Variants in TGFBR2 observed in about 807,000 individuals in gnomAD.
The protein encoded by TGFBR2 is transforming growth factor beta receptor 2.
Under a neutral mutation model 49.0 loss-of-function variants are expected in TGFBR2, and 18 were observed. That is an observed-to-expected ratio of 0.37 (90% confidence interval 0.25 to 0.54). The LOEUF (loss-of-function observed/expected upper bound fraction) is 0.54. TGFBR2 is among the 20% of genes least tolerant of loss of function. The pLI, the probability that TGFBR2 is intolerant of heterozygous loss-of-function variation, is 0.85. For missense variants in TGFBR2, 525 were observed against 722.6 expected, an observed-to-expected ratio of 0.73 and a Z score of 3.13; for synonymous variants, 282 against 275.9, an observed-to-expected ratio of 1.02 and a Z score of -0.22.
In TGFBR2 at chr3:30,691,441, A is replaced by T. The variant is rs370708687; in HGVS notation, c.1546A>T (p.Thr516Ser). 15 of 1,613,816 alleles carry T rather than the reference A, an allele frequency of 9.3e-6. No individual in the cohort carries two copies. Among genetic ancestry groups the T allele is most frequent in the Non-Finnish European group, 1.3e-5 (15 of 1,179,916 alleles). The change falls in exon 7 of 7, where the codon ACG becomes TCG. Residue 516 changes from threonine (T) to serine (S), a missense_variant. Around this residue, in one of 3 missense-constraint regions of TGFBR2, gnomAD observed 104 missense variants for 133.4 expected, o/e 0.78. Transcript: ENST00000295754. ...ACAGGGCATCCAGATGGTGTGTGAG[A>T]CGTTGACTGAGTGCTGGGACCACGA... is the stretch of plus-strand genomic sequence containing the variant. ...NHQGIQMVCETLTECWDHDPE... is the reference protein window; with the variant it reads ...NHQGIQMVCESLTECWDHDPE...
intron 1 of TGFBR2, among the ~76,000 whole-genome samples, chr3:30,639,851 G>A (rs1253591519): frequency 6.6e-6 from 1 of 152,198 alleles, no homozygotes; most frequent in Non-Finnish European, 1.5e-5. Flanking sequence ...TTTCTGACAA[G>A]TGTTTATGGT....
chr3:30,640,093 T>C (rs1205975352), intron 1 of TGFBR2, among the ~76,000 whole-genome samples: 1 of 151,982 alleles, frequency 6.6e-6, no homozygotes, highest in Non-Finnish European at 1.5e-5. Flanking sequence ...AGGCAGTGAG[T>C]GTGGGGAAAA....
At chr3:30,609,228 C>T (rs988655311) in intron 1 of TGFBR2, among the ~76,000 whole-genome samples, 20 of 152,126 alleles carry the variant, frequency 1.3e-4, no homozygotes, top group African/African-American at 4.6e-4. Flanking sequence ...CAAAGTTGGC[C>T]AATGGTTGAA....
chr3:30,664,700 C>G (rs923844129), intron 3 of TGFBR2, among the ~76,000 whole-genome samples: 2 of 152,246 alleles, frequency 1.3e-5, no homozygotes, highest in Non-Finnish European at 1.5e-5. Flanking sequence ...ACACGTTGCT[C>G]TCAGCCTCTT....
chr3:30,635,445 T>A (rs1698509918), intron 1 of TGFBR2, among the ~76,000 whole-genome samples: 1 of 152,204 alleles, frequency 6.6e-6, no homozygotes, highest in Non-Finnish European at 1.5e-5. Flanking sequence ...GAAAACCAAG[T>A]ATGCATTTTT....
intron 1 of TGFBR2, among the ~76,000 whole-genome samples, chr3:30,615,511 C>T (rs557448528): frequency 1.3e-5 from 2 of 152,174 alleles, no homozygotes; most frequent in South Asian, 4.1e-4. Flanking sequence ...GAATAAATTA[C>T]AAATTCTGAT....
rs1697936657 is a variant in TGFBR2 at position 30,607,064 on chromosome 3, G to T, written c.94+87G>T. ...TCCGCTGCGCTTGACAGTCGGGCCC[G>T]GCAACCCGGCCCCCGGGCGGAAACG... On this transcript the variant is annotated intron_variant, in intron 1 of 6. Transcript: ENST00000295754. The T allele has an allele frequency of 7.6e-6, 9 of 1,184,030 alleles. No homozygotes were observed. In the African/African-American group the frequency reaches 1.2e-4, roughly 16 times the overall value. The allele number at this position is 1,184,030 out of a possible 1,614,324, so 73.3% of individuals were successfully genotyped here.
At chr3:30,636,957 G>A (rs953986625) in intron 1 of TGFBR2, among the ~76,000 whole-genome samples, 12 of 151,922 alleles carry the variant, frequency 7.9e-5, no homozygotes, top group African/African-American at 2.9e-4. Flanking sequence ...CCAGCTGCTC[G>A]GGAGGCTGAG....
rs565877039 is a variant in TGFBR2 at position 30,607,800 on chromosome 3, ATATATATATATATTATATATATAT to A, written c.94+824_94+847del. On this transcript the variant is annotated intron_variant, in intron 1 of 6. Transcript: ENST00000295754. The stretch of plus-strand genomic sequence containing the variant: ...TTAAGGAAAAAATAAAAATAAAAAA[ATATATATATATATTATATATATAT>A]AAATATATATATAATTATATATATA... Among the ~76,000 whole-genome samples, 462 of 118,472 alleles carry A rather than the reference ATATATATATATATTATATATATAT, an allele frequency of 3.9e-3. 4 individuals carry two copies. The highest frequency in any genetic ancestry group is 0.022 in the African/African-American group (449 of 20,332). 77.7% of individuals were successfully genotyped at this position (118,472 alleles called of 152,430 possible). A position where few individuals can be genotyped will look rare whatever the true frequency, so the allele number is the denominator to read the frequency against.
intron 1 of TGFBR2, among the ~76,000 whole-genome samples, chr3:30,629,694 G>A (rs1698400827): frequency 6.6e-6 from 1 of 152,202 alleles, no homozygotes; most frequent in South Asian, 2.1e-4. Context: ...CAACCACCGT[G>A]TGCCAGCCAA....
chr3:30,635,204 C>T (rs1698506974), intron 1 of TGFBR2, among the ~76,000 whole-genome samples: 1 of 152,178 alleles, frequency 6.6e-6, no homozygotes, highest in Non-Finnish European at 1.5e-5. Context: ...GAATATGGCA[C>T]AAGTGCTAGA....
At position 30,672,580 on chromosome 3, in the gene TGFBR2, C is replaced by A; in HGVS notation, c.1254+143C>A. ...GAATCTAGCCAAAGTATGGAGTCTG[C>A]CTTGAGCATACTCTGCTCTGTCCTG... is the stretch of plus-strand genomic sequence containing the variant. On this transcript the variant is annotated intron_variant, in intron 4 of 6. Transcript: ENST00000295754. This position sits in a 1 kb window ranked among gnomAD's most constrained non-coding sequence, Gnocchi z 4.5. 1.1e-6 allele frequency: 1 copy of A among 925,350 alleles called. No homozygotes were observed. The highest frequency in any genetic ancestry group is 1.7e-6 in the Non-Finnish European group (1 of 576,002). 57.3% of individuals were successfully genotyped at this position (925,350 alleles called of 1,614,324 possible).
intron 1 of TGFBR2, among the ~76,000 whole-genome samples, chr3:30,624,383 C>T (rs1194481304): frequency 2.0e-5 from 3 of 151,866 alleles, no homozygotes; most frequent in South Asian, 4.2e-4. Flanking sequence ...TTTGGGAGGC[C>T]GAGGAGGGCA....
intron 2 of TGFBR2, among the ~76,000 whole-genome samples, chr3:30,647,043 A>G (rs1443357909): frequency 6.6e-6 from 1 of 152,146 alleles, no homozygotes; most frequent in Non-Finnish European, 1.5e-5. Context: ...GTTGATAATG[A>G]GAAGGGGAAG....
chr3:30,652,834 A>T (rs1353654922), intron 3 of TGFBR2, among the ~76,000 whole-genome samples: 1 of 152,188 alleles, frequency 6.6e-6, no homozygotes, highest in Non-Finnish European at 1.5e-5. Flanking sequence ...TCTATATTTT[A>T]TCATTGAATA....
intron 3 of TGFBR2, among the ~76,000 whole-genome samples, chr3:30,665,490 G>A (rs956633534): frequency 6.6e-6 from 1 of 152,166 alleles, no homozygotes; most frequent in Non-Finnish European, 1.5e-5. Flanking sequence ...AAAGCACATC[G>A]TATATGAGTT....
intron 5 of TGFBR2, among the ~76,000 whole-genome samples, chr3:30,675,816 G>C (rs1699429560): frequency 6.6e-6 from 1 of 152,140 alleles, no homozygotes; most frequent in Non-Finnish European, 1.5e-5. Flanking sequence ...CCATAGTATG[G>C]CTATCAAAAA....
At chr3:30,685,356 T>C (rs1415284941) in intron 5 of TGFBR2, among the ~76,000 whole-genome samples, 1 of 152,202 alleles carries the variant, frequency 6.6e-6, no homozygotes, top group Non-Finnish European at 1.5e-5. Context: ...AGTCAGATTG[T>C]GCAGATTCAC....
At chr3:30,649,452 A>G (rs568909275) in intron 2 of TGFBR2, among the ~76,000 whole-genome samples, 12 of 152,338 alleles carry the variant, frequency 7.9e-5, no homozygotes, top group East Asian at 3.9e-4. Flanking sequence ...GGAAAATGCT[A>G]TGTGAGAAAT....
Sources: allele counts gnomAD v4.1 joint callset (sites outside exome capture counted in the v4.1 genomes callset), GRCh38; gene constraint gnomAD v4.1.1; regional missense constraint gnomAD v4.1.1; non-coding constraint Gnocchi (gnomAD v3.1); transcripts MANE v1.5; gene names NCBI Gene and HGNC (gene_info 2026-07-23, HGNC 2026-07-21).